The following KDM4B variants were observed in gnomAD, a reference collection of about 807,000 sequenced individuals.
KDM4B encodes lysine demethylase 4B.
A neutral mutation model predicts 125.2 loss-of-function variants in KDM4B; 32 were observed. The ratio of observed to expected loss-of-function variants is 0.26; its 90% CI spans 0.19 to 0.34. The LOEUF (loss-of-function observed/expected upper bound fraction) is 0.34. KDM4B is among the 10% of genes least tolerant of loss of function. KDM4B has a pLI of 1.00. For synonymous variants in KDM4B, 721 were observed against 677.9 expected, an observed-to-expected ratio of 1.06 and a Z score of -0.99; for missense variants, 1,190 against 1,577.7, an observed-to-expected ratio of 0.75 and a Z score of 4.16.
intron 19 of KDM4B, 33 bp downstream of exon 19, chr19:5,144,185 C>T (rs2039795606): frequency 6.3e-7 from 1 of 1,590,376 alleles, no homozygotes; most frequent in African/African-American, 1.3e-5. Flanking sequence ...GCCCCCAGCC[C>T]CTGGCTCCCG....
chr19:5,040,507 G>A (rs553946352), intron 4 of KDM4B, among the ~76,000 whole-genome samples: 85 of 152,252 alleles, frequency 5.6e-4, no homozygotes, highest in Middle Eastern at 3.4e-3. Context: ...ACAGGCTCAT[G>A]CACAGGTACA....
chr19:5,036,334 G>A (rs1270353570), intron 3 of KDM4B, among the ~76,000 whole-genome samples: 3 of 152,250 alleles, frequency 2.0e-5, no homozygotes, highest in Non-Finnish European at 2.9e-5. Flanking sequence ...CGGTGGGGGC[G>A]GGAGCTGCGG....
chr19:5,001,494 A>G (rs1365315387), intron 1 of KDM4B, among the ~76,000 whole-genome samples: 2 of 152,074 alleles, frequency 1.3e-5, no homozygotes, highest in African/African-American at 4.8e-5. Context: ...CTGCATGTAG[A>G]TATTTAGTTT....
chr19:5,085,469 G>A (rs1414063271), intron 9 of KDM4B, among the ~76,000 whole-genome samples: 1 of 152,222 alleles, frequency 6.6e-6, no homozygotes, highest in Non-Finnish European at 1.5e-5. Context: ...AAACTGCAGC[G>A]GGGCGGTGGG....
intron 22 of KDM4B, 118 bp from the exon 23 acceptor site, chr19:5,151,217 C>A: frequency 1.2e-6 from 1 of 866,710 alleles, no homozygotes; most frequent in South Asian, 3.5e-5. Context: ...TGCTGAGCAG[C>A]CCCCACAGCA....
At chr19:5,117,367 G>T (rs1173118882) in intron 10 of KDM4B, among the ~76,000 whole-genome samples, 1 of 152,170 alleles carries the variant, frequency 6.6e-6, no homozygotes, top group East Asian at 1.9e-4. Context: ...AGGGGCTGTG[G>T]AGCTGGGGGC....
intron 6 of KDM4B, among the ~76,000 whole-genome samples, chr19:5,055,283 G>A (rs1468273623): frequency 1.3e-5 from 2 of 152,238 alleles, no homozygotes; most frequent in Admixed American, 1.3e-4. Context: ...CCTGTCAGTG[G>A]GATCTGTCCC....
intron 9 of KDM4B, among the ~76,000 whole-genome samples, chr19:5,102,482 GC>G (rs1169716417): frequency 1.3e-5 from 2 of 152,156 alleles, no homozygotes; most frequent in African/African-American, 4.8e-5. Flanking sequence ...GAAGGCCAGA[GC>G]CTGGGGGAGG....
intron 5 of KDM4B, among the ~76,000 whole-genome samples, chr19:5,045,324 G>C (rs1356935427): frequency 6.6e-6 from 1 of 152,278 alleles, no homozygotes; most frequent in Middle Eastern, 3.4e-3. Flanking sequence ...CCCTTTGCAT[G>C]CCTGTTTGCC....
rs972052076 is a variant in KDM4B at position 4,987,883 on chromosome 19, G to A, written c.-109+18653G>A. On this transcript the variant is annotated intron_variant, in intron 1 of 22. Transcript: ENST00000159111. ...CCTGGACTGGGGGTGGCTTTTGGAG[G>A]TAGACAGGATAGGCCTGGCTGGTGG... Among the ~76,000 whole-genome samples the A allele has an allele frequency of 8.5e-5, 13 of 152,162 alleles. 1 individual carries two copies. Among genetic ancestry groups the A allele is most frequent in the African/African-American group, 2.9e-4 (12 of 41,432 alleles).
intron 1 of KDM4B, among the ~76,000 whole-genome samples, chr19:5,003,089 T>G (rs1223610521): frequency 6.6e-6 from 1 of 152,166 alleles, no homozygotes. Context: ...TCCTTTACAC[T>G]CACGTTCCGA....
Position 5,082,576 on chromosome 19 carries a change from C to A in KDM4B, c.918+72C>A. 6.8e-7 allele frequency: 1 copy of A among 1,480,564 alleles called. No individual in the cohort carries two copies. Among genetic ancestry groups the A allele is most frequent in the Non-Finnish European group, 9.0e-7 (1 of 1,108,288 alleles). 91.7% of individuals were successfully genotyped at this position (1,480,564 alleles called of 1,614,324 possible). On this transcript the variant is annotated intron_variant, in intron 9 of 22. Coordinates refer to ENST00000159111, the MANE Select transcript of KDM4B (RefSeq NM_015015.3). The surrounding 1 kb of genome is among the most constrained non-coding windows in gnomAD (Gnocchi z 5.4). Reference sequence around the variant, plus strand: ...GCTCTTTTTTGCCTCTGCAGCCACACGCCCATAGCTGGTCCAGCAGCCGTT... The same window carrying A: ...GCTCTTTTTTGCCTCTGCAGCCACAAGCCCATAGCTGGTCCAGCAGCCGTT...
intron 14 of KDM4B, among the ~76,000 whole-genome samples, chr19:5,134,762 G>A (rs973857143): frequency 1.3e-5 from 2 of 152,076 alleles, no homozygotes; most frequent in African/African-American, 4.8e-5. Flanking sequence ...CGCCGGCCGG[G>A]TCTGGGTGGA....
At chr19:4,990,205 G>A (rs534330658) in intron 1 of KDM4B, among the ~76,000 whole-genome samples, 6 of 152,190 alleles carry the variant, frequency 3.9e-5, no homozygotes, top group Non-Finnish European at 7.4e-5. Context: ...CAGAAGGATC[G>A]CTTGAACCCA....
intron 1 of KDM4B, among the ~76,000 whole-genome samples, chr19:4,991,882 C>T (rs1184248279): frequency 2.6e-5 from 4 of 152,166 alleles, no homozygotes; most frequent in Non-Finnish European, 5.9e-5. Context: ...TGGGTTTTTT[C>T]GCTTGCAATC....
At position 5,150,667 on chromosome 19, in the gene KDM4B, G is replaced by A. The variant is rs1198858777; in HGVS notation, c.3114+217G>A. Among the ~76,000 whole-genome samples, 6 of 152,258 alleles carry A rather than the reference G, an allele frequency of 3.9e-5. No individual in the cohort carries two copies. The East Asian group carries it at 7.8e-4, about 20-fold the overall frequency. On this transcript the variant is annotated intron_variant, in intron 22 of 22. Transcript: ENST00000159111. ...ACTCCTGGTGCCGCAGCTCCTGGGC[G>A]ATGCCGTTAATGTGGGGAGGGAGGG... is the stretch of plus-strand genomic sequence containing the variant.
Position 5,050,661 on chromosome 19 carries a change from G to A in KDM4B, c.626+2992G>A, listed in dbSNP as rs140630481. On this transcript the variant is annotated intron_variant, in intron 6 of 22. Coordinates refer to ENST00000159111, the MANE Select transcript of KDM4B (RefSeq NM_015015.3). The stretch of plus-strand genomic sequence containing the variant: ...TGCGCCTGTAATCCCAGCACTTTGG[G>A]AGGCTGAGGCGGTTGGATCATGAGG... Among the ~76,000 whole-genome samples, 421 of 152,366 alleles carry A rather than the reference G, an allele frequency of 2.8e-3. 8 individuals carry two copies. Among genetic ancestry groups the A allele is most frequent in the Admixed American group, 0.024 (369 of 15,302 alleles).
intron 9 of KDM4B, among the ~76,000 whole-genome samples, chr19:5,104,998 C>T (rs1216440475): frequency 5.9e-5 from 9 of 152,170 alleles, no homozygotes; most frequent in Admixed American, 4.6e-4. Flanking sequence ...GTGGTGAGGC[C>T]GGGAGAGTCG....
At chr19:5,068,578 G>A (rs774068703) in intron 6 of KDM4B, among the ~76,000 whole-genome samples, 2 of 152,244 alleles carry the variant, frequency 1.3e-5, no homozygotes, top group Non-Finnish European at 2.9e-5. Flanking sequence ...TTCCGCCTGT[G>A]TCCTTGGGGG....
Sources: gnomAD v4.1 joint callset for allele counts (sites outside exome capture counted in the v4.1 genomes callset) on GRCh38, gnomAD v4.1.1 for gene constraint, Gnocchi (gnomAD v3.1) non-coding constraint, MANE v1.5 for transcripts, NCBI Gene and HGNC (gene_info 2026-07-23, HGNC 2026-07-21) for gene names.